The following ADH1A variants were observed in gnomAD, a reference collection of about 807,000 sequenced individuals.
ADH1A encodes alcohol dehydrogenase 1A.
ADH1A carries 29 observed loss-of-function variants against 35.2 expected under a neutral mutation model. The ratio of observed to expected loss-of-function variants is 0.82; its 90% CI spans 0.61 to 1.12. The LOEUF is 1.12. ADH1A is among the 50% of genes most tolerant of loss of function. The probability of loss-of-function intolerance (pLI) is 0.00; values close to 1 mark genes in which losing one functional copy is unlikely to be tolerated. For missense variants in ADH1A, 469 were observed against 464.7 expected (o/e 1.01, Z -0.09); for synonymous variants, 147 against 164.8 (o/e 0.89, Z 0.83).
intron 6 of ADH1A, among the ~76,000 whole-genome samples, chr4:99,280,510 A>C (rs973660205): frequency 2.0e-5 from 3 of 152,180 alleles, no homozygotes; most frequent in African/African-American, 7.2e-5. Context: ...GAGTGCACTT[A>C]ATTTTTCCTA....
At chr4:99,290,675 A>G (rs985483516) in intron 1 of ADH1A, among the ~76,000 whole-genome samples, 1 of 152,214 alleles carries the variant, frequency 6.6e-6, no homozygotes, top group Admixed American at 6.5e-5. Flanking sequence ...TAAACACTTC[A>G]TAGATACAGA....
At chr4:99,285,712 G>C (rs928966944) in intron 3 of ADH1A, among the ~76,000 whole-genome samples, 1 of 152,104 alleles carries the variant, frequency 6.6e-6, no homozygotes, top group Non-Finnish European at 1.5e-5. Context: ...GTTCAAATAA[G>C]TATTTGGTAA....
chr4:99,278,167 A>G (rs779329366), intron 8 of ADH1A, among the ~76,000 whole-genome samples: 40 of 152,096 alleles, frequency 2.6e-4, no homozygotes, highest in Non-Finnish European at 4.9e-4. Flanking sequence ...GCTCAACACT[A>G]TCTTCTGGTT....
intron 3 of ADH1A, chr4:99,286,605 C>T: frequency 3.9e-6 from 2 of 509,722 alleles, no homozygotes; most frequent in Non-Finnish European, 6.6e-6. Context: ...CTCCAGGCTC[C>T]AACCTGGTGA....
rs964875599 is a variant in ADH1A at position 99,287,050 on chromosome 4, C to T, written c.121-62G>A. The T allele has an allele frequency of 8.3e-6, 13 of 1,564,844 alleles. No individual in the cohort carries two copies. The African/African-American group carries it at 1.7e-4, about 20-fold the overall frequency. On this transcript the variant is annotated intron_variant, in intron 2 of 8. Coordinates refer to ENST00000209668, the MANE Select transcript of ADH1A (RefSeq NM_000667.4). ...GAGTCTCAGGTGAATTTAAAAATCC[C>T]AGTTCCCTGAAATTGCGCTTCCAAA...
chr4:99,287,478 A>T lies in ADH1A; in HGVS notation c.120+86T>A, dbSNP rs1481533412. ...ACAACAAGTATATTCTATTTTCTGG[A>T]TGATCATATAAAAATTTGGTTGTTT... On this transcript the variant is annotated intron_variant, in intron 2 of 8. Transcript: ENST00000209668. 7 of 1,269,936 alleles carry T rather than the reference A, an allele frequency of 5.5e-6. No homozygotes were observed. The African/African-American group carries it at 1.1e-4, about 19-fold the overall frequency. 78.7% of individuals were successfully genotyped at this position (1,269,936 alleles called of 1,614,324 possible). A position where few individuals can be genotyped will look rare whatever the true frequency, so the allele number is the denominator to read the frequency against.
chr4:99,290,245 A>G (rs1733260500), intron 1 of ADH1A, among the ~76,000 whole-genome samples: 1 of 152,158 alleles, frequency 6.6e-6, no homozygotes, highest in Non-Finnish European at 1.5e-5. Flanking sequence ...AATTTTCTGT[A>G]AAACCATATT....
chr4:99,284,650 C>A, intron 4 of ADH1A, 32 bp from the exon 5 acceptor site: 1 of 1,613,688 alleles, frequency 6.2e-7, no homozygotes, highest in Non-Finnish European at 8.5e-7. Flanking sequence ...CACACAAAGG[C>A]ATGAGACAGG....
intron 6 of ADH1A, among the ~76,000 whole-genome samples, chr4:99,280,776 T>C (rs978987310): frequency 2.0e-5 from 3 of 152,336 alleles, no homozygotes; most frequent in Non-Finnish European, 4.4e-5. Flanking sequence ...GGATTCCTGT[T>C]CTACTGTCCA....
intron 3 of ADH1A, among the ~76,000 whole-genome samples, chr4:99,286,462 T>C (rs552342094): frequency 1.8e-4 from 28 of 152,300 alleles, no homozygotes; most frequent in Non-Finnish European, 2.2e-4. Flanking sequence ...TCCATACTTA[T>C]GTTTTTTCCC....
intron 5 of ADH1A, among the ~76,000 whole-genome samples, chr4:99,283,498 A>ATTCC (rs57948582): frequency 6.6e-6 from 1 of 152,024 alleles, no homozygotes; most frequent in African/African-American, 2.4e-5. Flanking sequence ...TCATTCATTC[A>ATTCC]CCAAGTGGTA....
intron 5 of ADH1A, among the ~76,000 whole-genome samples, chr4:99,282,935 T>C (rs554659981): frequency 2.6e-5 from 4 of 152,214 alleles, no homozygotes; most frequent in Non-Finnish European, 5.9e-5. Context: ...CTGGATGATC[T>C]TTGAGATCCA....
chr4:99,290,773 A>C, intron 1 of ADH1A, 124 bp downstream of exon 1: 1 of 1,026,406 alleles, frequency 9.7e-7, no homozygotes, highest in Non-Finnish European at 1.5e-6. Context: ...TATATTGCAT[A>C]TCATATTTCA....
intron 6 of ADH1A, among the ~76,000 whole-genome samples, chr4:99,281,546 T>C (rs894653458): frequency 6.6e-6 from 1 of 152,126 alleles, no homozygotes; most frequent in Non-Finnish European, 1.5e-5. Flanking sequence ...GTTGAGGCTG[T>C]AGTGAGTTAT....
chr4:99,284,472 G>A lies in ADH1A; in HGVS notation c.494C>T (p.Ser165Leu), dbSNP rs1268425754. Residue 165 changes from serine to leucine, a missense_variant, in exon 5 of 9, where the codon TCG becomes TTG. Ser to Leu is a moderately radical substitution (Grantham distance 145, BLOSUM62 -2). Coordinates refer to ENST00000209668, the MANE Select transcript of ADH1A (RefSeq NM_000667.4). ...ENAVAKIDAA[S>L]PLEKVCLIGC... ...AATGAGACAGACTTTCTCTAGAGGC[G>A]AGGCTGCATCAATTTTGGCTACTGC... is the stretch of plus-strand genomic sequence containing the variant. The A allele has an allele frequency of 3.1e-6, 5 of 1,614,156 alleles. No individual in the cohort carries two copies. Among genetic ancestry groups the A allele is most frequent in the East Asian group, 2.2e-5 (1 of 44,884 alleles).
chr4:99,279,732 T>A (rs905845331), intron 7 of ADH1A, among the ~76,000 whole-genome samples, 168 bp from the exon 8 acceptor site: 1 of 151,508 alleles, frequency 6.6e-6, no homozygotes, highest in African/African-American at 2.4e-5. Context: ...GGCTCAGACT[T>A]AAAAAAAAAT....
chr4:99,287,474 C>A (rs1733181118), intron 2 of ADH1A, 90 bp downstream of exon 2: 1 of 1,260,446 alleles, frequency 7.9e-7, no homozygotes, highest in Admixed American at 2.3e-5. Flanking sequence ...ATTCTATTTT[C>A]TGGATGATCA....
intron 1 of ADH1A, chr4:99,288,846 G>T (rs1354709031): frequency 1.3e-5 from 2 of 151,998 alleles, no homozygotes; most frequent in Non-Finnish European, 2.9e-5. Flanking sequence ...AGTTTTTGGG[G>T]TGCAGGTGTT....
At chr4:99,278,926 G>GA (rs869288173) in intron 8 of ADH1A, among the ~76,000 whole-genome samples, 3 of 150,470 alleles carry the variant, frequency 2.0e-5, no homozygotes, top group Admixed American at 2.0e-4. Context: ...AACTGCAAAA[G>GA]AAAAAAAAGG....
Sources: gnomAD v4.1 joint callset for allele counts (sites outside exome capture counted in the v4.1 genomes callset) on GRCh38, gnomAD v4.1.1 for gene constraint, MANE v1.5 for transcripts, NCBI Gene and HGNC (gene_info 2026-07-23, HGNC 2026-07-21) for gene names.